PREX1: variants seen among roughly 807,000 people sequenced by gnomAD.
The protein encoded by PREX1 is phosphatidylinositol-3,4,5-trisphosphate dependent Rac exchange factor 1, also known as phosphatidylinositol 3,4,5-trisphosphate-dependent Rac exchanger 1 protein.
In PREX1, 41 loss-of-function variants were observed where a neutral mutation model predicts 198.3. That is an observed-to-expected ratio of 0.21 (90% CI 0.16 to 0.27). The LOEUF is 0.27. Ranked by LOEUF, PREX1 falls within the 10% of genes least tolerant of loss-of-function variation. PREX1 has a pLI of 1.00. For synonymous variants in PREX1, 843 were observed against 887.2 expected, an observed-to-expected ratio of 0.95 and a Z score of 0.89; for missense variants, 1,620 against 2,200.7, an observed-to-expected ratio of 0.74 and a Z score of 5.28.
the PREX1 span, among the ~76,000 whole-genome samples, chr20:48,854,792 C>G: frequency 6.6e-6 from 1 of 152,168 alleles, no homozygotes; most frequent in Non-Finnish European, 1.5e-5. Context: ...GATTCTAGAG[C>G]CTCCGCTCTT....
intron 1 of PREX1, among the ~76,000 whole-genome samples, chr20:48,760,752 G>A (rs1478976149): frequency 1.3e-5 from 2 of 152,090 alleles, no homozygotes; most frequent in East Asian, 1.9e-4. Context: ...AGGGCCTGCC[G>A]TGCACCAGGC....
At chr20:48,638,472 A>G (rs1445644300) in intron 30 of PREX1, among the ~76,000 whole-genome samples, 1 of 152,228 alleles carries the variant, frequency 6.6e-6, no homozygotes, top group African/African-American at 2.4e-5. Flanking sequence ...TTTCCTTAAA[A>G]AAGATGCTCC....
the PREX1 span, among the ~76,000 whole-genome samples, chr20:48,853,492 G>A: frequency 3.3e-5 from 5 of 152,142 alleles, no homozygotes; most frequent in East Asian, 1.9e-4. Flanking sequence ...TCATTATCAC[G>A]AGATAGCATG....
Position 48,800,704 on chromosome 20 carries a change from G to C in PREX1, c.219+26938C>G, listed in dbSNP as rs57674751. Among the ~76,000 whole-genome samples, 578 of 152,242 alleles carry C rather than the reference G, an allele frequency of 3.8e-3. 1 individual carries two copies. Among genetic ancestry groups the C allele is most frequent in the African/African-American group, 0.013 (524 of 41,532 alleles). On this transcript the variant is annotated intron_variant, in intron 1 of 39. Coordinates refer to ENST00000371941, the MANE Select transcript of PREX1 (RefSeq NM_020820.4). ...AGCTATCCATGTACTGAGCCTCTCG[G>C]GCAGGGCTAAAACAAGGCCCCAAGC... is the stretch of plus-strand genomic sequence containing the variant.
In PREX1 at chr20:48,646,008, A is replaced by T. The variant is rs775203579; in HGVS notation, c.3355T>A (p.Ser1119Thr). 2 of 1,614,138 alleles carry T rather than the reference A, an allele frequency of 1.2e-6. No individual in the cohort carries two copies. Among genetic ancestry groups the T allele is most frequent in the Non-Finnish European group, 1.7e-6 (2 of 1,180,016 alleles). Residue 1119 changes from serine (S) to threonine (T), a missense_variant, in exon 26 of 40, where the codon TCC becomes ACC. By Grantham distance (58) the Ser-to-Thr change is moderately conservative (BLOSUM62 1). Coordinates refer to ENST00000371941, the MANE Select transcript of PREX1 (RefSeq NM_020820.4). The stretch of plus-strand genomic sequence containing the variant: ...AGGGAGGAGGCCTCCTCAGCCAAGG[A>T]TGCGTCGCAGGACCCACCCGAGGTG... The part of the protein sequence containing the change: ...EPTSGGSCDA[S>T]LAEEASSLPL...
chr20:48,693,523 T>C (rs1183043551), intron 7 of PREX1, among the ~76,000 whole-genome samples: 2 of 152,178 alleles, frequency 1.3e-5, no homozygotes, highest in Non-Finnish European at 2.9e-5. Context: ...CAGCACCGAG[T>C]CTACTAGCAC....
chr20:48,837,468 C>T, the PREX1 span, among the ~76,000 whole-genome samples: 3 of 152,192 alleles, frequency 2.0e-5, no homozygotes, highest in African/African-American at 4.8e-5. Context: ...GGCACATTTA[C>T]GCCATGAATA....
chr20:48,728,668 G>A (rs746719998), intron 4 of PREX1, among the ~76,000 whole-genome samples: 4 of 152,170 alleles, frequency 2.6e-5, no homozygotes, highest in African/African-American at 9.7e-5. Flanking sequence ...AGTGCAGGGC[G>A]CCTGGGGGTG....
At chr20:48,634,480 C>T (rs957507897) in intron 33 of PREX1, among the ~76,000 whole-genome samples, 196 bp downstream of exon 33, 8 of 152,106 alleles carry the variant, frequency 5.3e-5, no homozygotes, top group Non-Finnish European at 1.0e-4. Flanking sequence ...AAAAAGAAAC[C>T]CCTCTTTTTC....
At chr20:48,769,895 T>C (rs777602654) in intron 1 of PREX1, among the ~76,000 whole-genome samples, 13 of 152,196 alleles carry the variant, frequency 8.5e-5, no homozygotes, top group Non-Finnish European at 1.8e-4. Context: ...TCACTGTCTG[T>C]CTTCACTGCA....
At chr20:48,710,076 G>A (rs2089923564) in intron 5 of PREX1, among the ~76,000 whole-genome samples, 1 of 152,204 alleles carries the variant, frequency 6.6e-6, no homozygotes, top group South Asian at 2.1e-4. Flanking sequence ...TTCCTCTGGA[G>A]GCCCCAGCAA....
At chr20:48,710,348 T>C (rs1315027152) in intron 5 of PREX1, among the ~76,000 whole-genome samples, 1 of 152,220 alleles carries the variant, frequency 6.6e-6, no homozygotes, top group Non-Finnish European at 1.5e-5. Flanking sequence ...GATGGTCCTC[T>C]GGGAGCTCAT....
At chr20:48,839,881 G>C in the PREX1 span, among the ~76,000 whole-genome samples, 19 of 152,332 alleles carry the variant, frequency 1.2e-4, no homozygotes, top group East Asian at 2.5e-3. Context: ...GTCTGGGTCT[G>C]AATGTCTCCC....
intron 5 of PREX1, among the ~76,000 whole-genome samples, chr20:48,710,909 A>C (rs541475786): frequency 1.1e-3 from 174 of 152,336 alleles, no homozygotes; most frequent in African/African-American, 4.1e-3. Flanking sequence ...AGAGGGATGG[A>C]CCACAGATTC....
At chr20:48,661,028 G>T (rs1349921790) in intron 15 of PREX1, among the ~76,000 whole-genome samples, 3 of 152,124 alleles carry the variant, frequency 2.0e-5, no homozygotes, top group Non-Finnish European at 4.4e-5. Flanking sequence ...TATTATCTGT[G>T]GCTGCTTTTG....
rs2089420652 is a variant in PREX1, at chr20:48,642,325, C to T, written c.3685-67G>A. 6 of 1,605,294 alleles carry T rather than the reference C, an allele frequency of 3.7e-6. No individual in the cohort carries two copies. In the Admixed American group the frequency reaches 1.0e-4, roughly 27 times the overall value. ...CCTACACACTGCAGACATCTGGGAC[C>T]CACAGCCCCCGGGTCATGGGCCCTC... On this transcript the variant is annotated intron_variant, in intron 28 of 39. Coordinates refer to ENST00000371941, the MANE Select transcript of PREX1 (RefSeq NM_020820.4).
the PREX1 span, among the ~76,000 whole-genome samples, chr20:48,845,583 T>A: frequency 4.6e-5 from 7 of 151,798 alleles, no homozygotes; most frequent in South Asian, 1.2e-3. Flanking sequence ...ATGCCTTTAG[T>A]CCCAGCTACT....
At chr20:48,675,465 G>A (rs1351386656) in intron 14 of PREX1, among the ~76,000 whole-genome samples, 1 of 152,294 alleles carries the variant, frequency 6.6e-6, no homozygotes, top group Non-Finnish European at 1.5e-5. Flanking sequence ...TCCAACATAC[G>A]CTACAACATG....
chr20:48,736,870 C>T (rs142764493), intron 3 of PREX1, among the ~76,000 whole-genome samples: 65 of 152,214 alleles, frequency 4.3e-4, no homozygotes, highest in African/African-American at 1.5e-3. Flanking sequence ...CAGCATCAAC[C>T]CTGTAAGTGC....
Sources: gnomAD v4.1 joint callset for allele counts (sites outside exome capture counted in the v4.1 genomes callset) on GRCh38, gnomAD v4.1.1 for gene constraint, MANE v1.5 for transcripts, NCBI Gene and HGNC (gene_info 2026-07-23, HGNC 2026-07-21) for gene names.